Variants in EIF4G3 observed in about 807,000 individuals in gnomAD.
The protein encoded by EIF4G3 is eukaryotic translation initiation factor 4 gamma 3.
In EIF4G3, 34 loss-of-function variants were observed where a neutral mutation model predicts 186.4. The ratio of observed to expected loss-of-function variants is 0.18; its 90% CI spans 0.14 to 0.24. EIF4G3 has a LOEUF of 0.24. Ranked by LOEUF, EIF4G3 falls within the 10% of genes least tolerant of loss-of-function variation. The pLI is 1.00. For synonymous variants in EIF4G3, 673 were observed against 679.5 expected (o/e 0.99, Z 0.15); for missense variants, 1,536 against 1,948.5 (o/e 0.79, Z 3.99).
chr1:20,932,538 A>C (rs1456073448), intron 14 of EIF4G3, among the ~76,000 whole-genome samples: 1 of 152,098 alleles, frequency 6.6e-6, no homozygotes, highest in African/African-American at 2.4e-5. Context: ...CTTTCACTTG[A>C]ACACTTAGAA....
intron 2 of EIF4G3, among the ~76,000 whole-genome samples, chr1:21,141,799 T>C (rs2097344707): frequency 6.6e-6 from 1 of 151,976 alleles, no homozygotes; most frequent in Non-Finnish European, 1.5e-5. Context: ...GCCGTGGTAG[T>C]GTGGGCCTGT....
intron 2 of EIF4G3, among the ~76,000 whole-genome samples, chr1:21,161,177 A>C (rs2097761046): frequency 6.6e-6 from 1 of 151,616 alleles, no homozygotes; most frequent in Non-Finnish European, 1.5e-5. Flanking sequence ...TCTCATAAAG[A>C]AGTTTCTTCC....
At chr1:20,898,545 C>G (rs1172252181) in intron 16 of EIF4G3, among the ~76,000 whole-genome samples, 2 of 152,012 alleles carry the variant, frequency 1.3e-5, no homozygotes, top group Non-Finnish European at 2.9e-5. Context: ...TTATATTATC[C>G]TTTTTTAAAA....
At chr1:20,937,854 T>A (rs1486955865) in intron 14 of EIF4G3, among the ~76,000 whole-genome samples, 1 of 152,184 alleles carries the variant, frequency 6.6e-6, no homozygotes, top group Non-Finnish European at 1.5e-5. Flanking sequence ...CCAATTAATA[T>A]CTAGTTTTAT....
chr1:21,166,288 G>C (rs2097854359), intron 2 of EIF4G3, among the ~76,000 whole-genome samples: 1 of 151,538 alleles, frequency 6.6e-6, no homozygotes, highest in Admixed American at 6.6e-5. Flanking sequence ...AAATTAGCCA[G>C]GCATAGCGGA....
At chr1:20,994,028 A>G (rs929497758) in intron 7 of EIF4G3, among the ~76,000 whole-genome samples, 2 of 152,216 alleles carry the variant, frequency 1.3e-5, no homozygotes, top group African/African-American at 4.8e-5. Context: ...CAAATGGGAA[A>G]TGCTGTCATT....
chr1:21,159,849 G>A (rs924244784), intron 2 of EIF4G3, among the ~76,000 whole-genome samples: 1 of 151,868 alleles, frequency 6.6e-6, no homozygotes, highest in Non-Finnish European at 1.5e-5. Flanking sequence ...GCTTACACCT[G>A]TAATCCCAGC....
At chr1:21,052,916 G>A (rs1262798898) in intron 3 of EIF4G3, among the ~76,000 whole-genome samples, 1 of 152,250 alleles carries the variant, frequency 6.6e-6, no homozygotes, top group African/African-American at 2.4e-5. Flanking sequence ...GCAGTGGCGT[G>A]ATCTCGGCTC....
chr1:21,068,375 T>TAAAAAA (rs869306512), intron 3 of EIF4G3, among the ~76,000 whole-genome samples: 709 of 67,654 alleles, frequency 0.01, 11 homozygotes, highest in African/African-American at 0.026. Context: ...ACTCTGTCTT[T>TAAAAAA]AAAAAAAAAA....
intron 13 of EIF4G3, among the ~76,000 whole-genome samples, chr1:20,943,615 C>T (rs2154562562): frequency 6.6e-6 from 1 of 152,242 alleles, no homozygotes; most frequent in Middle Eastern, 3.4e-3. Flanking sequence ...AAGATTCAAG[C>T]ACTATTAAAA....
chr1:21,106,549 T>C (rs2096621969), intron 2 of EIF4G3, among the ~76,000 whole-genome samples: 1 of 151,806 alleles, frequency 6.6e-6, no homozygotes, highest in Non-Finnish European at 1.5e-5. Context: ...GAAATAGAAG[T>C]AGAAAGGAAA....
chr1:21,079,764 G>C (rs908739197), intron 3 of EIF4G3, among the ~76,000 whole-genome samples: 13 of 150,828 alleles, frequency 8.6e-5, no homozygotes, highest in African/African-American at 3.2e-4. Context: ...CCAGCACTTT[G>C]GAAGGCTGAG....
chr1:21,016,820 T>G (rs2154570418), intron 4 of EIF4G3, among the ~76,000 whole-genome samples: 1 of 151,962 alleles, frequency 6.6e-6, no homozygotes, highest in Admixed American at 6.6e-5. Context: ...AATATAAAAA[T>G]TAGCTGGGCA....
chr1:20,815,359 A>G (rs1444035666), intron 34 of EIF4G3, among the ~76,000 whole-genome samples: 1 of 111,344 alleles, frequency 9.0e-6, no homozygotes, highest in African/African-American at 3.3e-5. Flanking sequence ...CCCGGCTGCC[A>G]TCCCATCTAG....
At chr1:21,120,499 A>G (rs759202742) in intron 2 of EIF4G3, among the ~76,000 whole-genome samples, 1 of 151,828 alleles carries the variant, frequency 6.6e-6, no homozygotes, top group Admixed American at 6.6e-5. Context: ...ATGGTGGTGC[A>G]TGCCTATAAT....
intron 2 of EIF4G3, among the ~76,000 whole-genome samples, chr1:21,131,790 T>C (rs992167370): frequency 6.6e-6 from 1 of 152,084 alleles, no homozygotes; most frequent in African/African-American, 2.4e-5. Flanking sequence ...CTAGCCAACA[T>C]GGCAAAACCC....
intron 36 of EIF4G3, among the ~76,000 whole-genome samples, chr1:20,808,328 A>C (rs1028390607): frequency 1.3e-5 from 2 of 152,084 alleles, no homozygotes; most frequent in East Asian, 3.8e-4. Context: ...TATTTTTACA[A>C]AATTTGGGGG....
At chr1:20,856,082 T>C (rs1193132084) in intron 25 of EIF4G3, among the ~76,000 whole-genome samples, 2 of 152,180 alleles carry the variant, frequency 1.3e-5, no homozygotes, top group Non-Finnish European at 2.9e-5. Flanking sequence ...TGGAGATGGG[T>C]AAGACTCAAA....
intron 17 of EIF4G3, 63 bp downstream of exon 17, chr1:20,895,305 G>C: frequency 1.3e-6 from 2 of 1,538,904 alleles, no homozygotes; most frequent in Non-Finnish European, 1.8e-6. Flanking sequence ...TCACATATTT[G>C]CTCTTATAGT....
Sources: gnomAD v4.1 joint callset for allele counts (sites outside exome capture counted in the v4.1 genomes callset) on GRCh38, gnomAD v4.1.1 for gene constraint, MANE v1.5 for transcripts, NCBI Gene and HGNC (gene_info 2026-07-23, HGNC 2026-07-21) for gene names.